The following MED1 variants were observed in gnomAD, a reference collection of about 807,000 sequenced individuals.
MED1 encodes the protein mediator of RNA polymerase II transcription subunit 1.
MED1 carries 17 observed loss-of-function variants against 121.3 expected under a neutral mutation model. The ratio of observed to expected loss-of-function variants is 0.14; its 90% CI spans 0.10 to 0.21. The LOEUF (loss-of-function observed/expected upper bound fraction) is 0.21, where lower values mean the gene tolerates loss of function less well. Ranked by LOEUF, MED1 falls within the 10% of genes least tolerant of loss-of-function variation. MED1 has a pLI of 1.00. For missense variants in MED1, 1,558 were observed against 1,919.4 expected (o/e 0.81, Z 3.52); for synonymous variants, 661 against 694.4 (o/e 0.95, Z 0.76).
At position 39,440,704 on chromosome 17, in the gene MED1, C is replaced by A. The variant is rs1486121545; in HGVS notation, c.212-27G>T. 5.0e-6 allele frequency: 8 copies of A among 1,587,150 alleles called. No homozygotes were observed. The highest frequency in any genetic ancestry group is 1.7e-5 in the Admixed American group (1 of 57,804). On this transcript the variant is annotated intron_variant, in intron 3 of 16. Coordinates refer to ENST00000300651, the MANE Select transcript of MED1 (RefSeq NM_004774.4). This position sits in a 1 kb window ranked among gnomAD's most constrained non-coding sequence, Gnocchi z 4.1. ...TATAAAAGGATGAAAAAAGGAGTCA[C>A]AAAGAATGCTCCAAATGACTTAAAT...
intron 1 of MED1, among the ~76,000 whole-genome samples, chr17:39,448,762 A>G (rs1237718118): frequency 6.6e-6 from 1 of 151,942 alleles, no homozygotes; most frequent in East Asian, 1.9e-4. Context: ...ATACAAAATT[A>G]GCCGGGCTTG....
At position 39,405,231 on chromosome 17, in the gene MED1, TG is replaced by T. The variant is rs768452015; in HGVS notation, c.*2243del. 3.1e-6 allele frequency: 5 copies of T among 1,588,026 alleles called. No homozygotes were observed. The Admixed American group carries it at 8.9e-5, about 28-fold the overall frequency. On this transcript the variant is annotated 3_prime_UTR_variant, in exon 17 of 17. Coordinates refer to ENST00000300651, the MANE Select transcript of MED1 (RefSeq NM_004774.4). ...CTCCCTGTTAAGCAAGTTCAGATGCTGGGTCAGTGTGGGGGTGAGCCCATCG... is the reference window on the plus strand; with the variant it reads ...CTCCCTGTTAAGCAAGTTCAGATGCTGGTCAGTGTGGGGGTGAGCCCATCG...
Position 39,427,776 on chromosome 17 carries a change from G to T in MED1, c.664C>A (p.Leu222Met), listed in dbSNP as rs747337853. 33 of 1,594,450 alleles carry T rather than the reference G, an allele frequency of 2.1e-5. No homozygotes were observed. The East Asian group carries it at 7.2e-4, about 35-fold the overall frequency. Reference sequence around the variant, plus strand: ...TCAGAAGGAGAGACATAGTACTTCAGGTTCATTAAATGACCTATAAAAAAT... The same window carrying T: ...TCAGAAGGAGAGACATAGTACTTCATGTTCATTAAATGACCTATAAAAAAT... ...TPRSGGHLMN[L>M]KYYVSPSDLL... The change falls in exon 10 of 17, where the codon CTG (leucine) becomes ATG (methionine). Residue 222 changes from leucine to methionine, a missense_variant. Physicochemically the swap from Leu to Met is conservative, Grantham distance 15 (BLOSUM62 2). Around this residue, in one of 5 missense-constraint regions of MED1, gnomAD observed 443 missense variants for 532.4 expected, o/e 0.83. Coordinates refer to ENST00000300651, the MANE Select transcript of MED1 (RefSeq NM_004774.4).
chr17:39,415,886 G>A (rs12938268), intron 14 of MED1, among the ~76,000 whole-genome samples: 100,510 of 147,562 alleles, frequency 0.68, 35,110 homozygotes, highest in South Asian at 0.89. Flanking sequence ...GCTACTCAGA[G>A]GGCTGAGACA....
At chr17:39,433,068 TGGTG>T (rs1376061464) in intron 7 of MED1, among the ~76,000 whole-genome samples, 1 of 151,446 alleles carries the variant, frequency 6.6e-6, no homozygotes, top group African/African-American at 2.4e-5. Context: ...GCCAGGTCAG[TGGTG>T]GGCGCCTTTA....
At position 39,407,547 on chromosome 17, in the gene MED1, T is replaced by G; in HGVS notation, c.4674A>C (p.Ser1558=). 6.2e-7 allele frequency: 1 copy of G among 1,614,090 alleles called. No individual in the cohort carries two copies. Among genetic ancestry groups the G allele is most frequent in the Non-Finnish European group, 8.5e-7 (1 of 1,180,016 alleles). ...CAATCATAAAGTCTGGGCTGAGCCTTGAGGGTCTGTCTGCAGATAAGATTG... is the reference window on the plus strand; with the variant it reads ...CAATCATAAAGTCTGGGCTGAGCCTGGAGGGTCTGTCTGCAGATAAGATTG... The part of the protein sequence containing the change: ...SNTILSADRP[S]RLSPDFMIGE... Residue 1558 remains serine, a synonymous_variant, in exon 17 of 17, where the codon TCA becomes TCC. Coordinates refer to ENST00000300651, the MANE Select transcript of MED1 (RefSeq NM_004774.4).
intron 12 of MED1, 124 bp from the exon 13 acceptor site, chr17:39,423,569 C>A: frequency 6.9e-7 from 1 of 1,445,966 alleles, no homozygotes. Flanking sequence ...TAGTACAAAG[C>A]ACTATAACAT....
Position 39,408,805 on chromosome 17 carries a change from C to G in MED1, c.3416G>C (p.Gly1139Ala), listed in dbSNP as rs140796864. 2.5e-6 allele frequency: 4 copies of G among 1,613,830 alleles called. No individual in the cohort carries two copies. Among genetic ancestry groups the G allele is most frequent in the Admixed American group, 1.7e-5 (1 of 59,944 alleles). Residue 1139 changes from glycine to alanine, a missense_variant, in exon 17 of 17, where the codon GGA becomes GCA. Physicochemically the swap from Gly to Ala is moderately conservative, Grantham distance 60. Transcript: ENST00000300651. The surrounding 1 kb of genome is among the most constrained non-coding windows in gnomAD (Gnocchi z 4.7). The part of the protein sequence containing the change: ...SSMYSSQGSS[G>A]SSQSKNSSQS... ...GGATGAATTTTTGGACTGGCTAGAT[C>G]CAGAAGACCCCTGGCTAGAATACAT...
intron 13 of MED1, among the ~76,000 whole-genome samples, chr17:39,422,475 T>G (rs1263751219): frequency 7.0e-6 from 1 of 142,308 alleles, no homozygotes; most frequent in Non-Finnish European, 1.5e-5. Context: ...CCTCGTTTTT[T>G]TTTTTTTTTT....
chr17:39,428,699 T>G (rs1381502437), intron 9 of MED1, among the ~76,000 whole-genome samples: 1 of 151,642 alleles, frequency 6.6e-6, no homozygotes, highest in African/African-American at 2.4e-5. Context: ...ACACCTGTAA[T>G]CCCAGCACTT....
At chr17:39,423,900 G>C (rs1370808210) in intron 11 of MED1, 79 bp from the exon 12 acceptor site, 2 of 1,416,936 alleles carry the variant, frequency 1.4e-6, no homozygotes, top group Non-Finnish European at 1.9e-6. Flanking sequence ...TTTTTTTTTT[G>C]AGACAGATTT....
chr17:39,413,607 A>G (rs1389353140), intron 16 of MED1, among the ~76,000 whole-genome samples: 1 of 151,994 alleles, frequency 6.6e-6, no homozygotes, highest in East Asian at 1.9e-4. Context: ...AGTGGCTCAC[A>G]CCTGCAGTAC....
At chr17:39,428,671 G>A (rs912345554) in intron 9 of MED1, among the ~76,000 whole-genome samples, 2 of 151,588 alleles carry the variant, frequency 1.3e-5, no homozygotes, top group Non-Finnish European at 2.9e-5. Flanking sequence ...TATGACAGGC[G>A]CTTGGGTGTG....
chr17:39,436,078 A>G (rs2048615637), intron 6 of MED1, among the ~76,000 whole-genome samples: 1 of 151,866 alleles, frequency 6.6e-6, no homozygotes, highest in Admixed American at 6.6e-5. Flanking sequence ...TCTCGAAAAA[A>G]AAGGCCGGGT....
At chr17:39,449,316 G>T (rs1031343125) in intron 1 of MED1, among the ~76,000 whole-genome samples, 2 of 151,920 alleles carry the variant, frequency 1.3e-5, no homozygotes, top group Non-Finnish European at 2.9e-5. Flanking sequence ...AAGTAGCTGG[G>T]ACTACTGGCT....
chr17:39,439,223 T>C (rs1016227566), intron 5 of MED1, 30 bp from the exon 6 acceptor site: 8 of 1,563,538 alleles, frequency 5.1e-6, no homozygotes, highest in African/African-American at 1.4e-5. Context: ...TGTTAAAACA[T>C]TAAAACTACT....
At position 39,406,419 on chromosome 17, in the gene MED1, A is replaced by G. The variant is rs1385170300; in HGVS notation, c.*1056T>C. ...GTTCTCCTGCAAACAAAATGCTGGG[A>G]TGCAGACTTTTGGCACATTGTGGAA... is the stretch of plus-strand genomic sequence containing the variant. On this transcript the variant is annotated 3_prime_UTR_variant, in exon 17 of 17. Coordinates refer to ENST00000300651, the MANE Select transcript of MED1 (RefSeq NM_004774.4). The G allele has an allele frequency of 1.0e-6, 1 of 985,296 alleles. No individual in the cohort carries two copies. Among genetic ancestry groups the G allele is most frequent in the African/African-American group, 1.7e-5 (1 of 57,222 alleles). 61.0% of individuals were successfully genotyped at this position (985,296 alleles called of 1,614,324 possible).
Position 39,409,157 on chromosome 17 carries a change from G to C in MED1, c.3064C>G (p.Pro1022Ala). ...GGTCTGTTAGAAGAACTATGAGATGGAGACTTTCCCTCAGTGTCTGCCTTC... is the reference window on the plus strand; with the variant it reads ...GGTCTGTTAGAAGAACTATGAGATGCAGACTTTCCCTCAGTGTCTGCCTTC... ...RKKADTEGKSPSHSSSNRPFT... is the reference protein window; with the variant it reads ...RKKADTEGKSASHSSSNRPFT... The change falls in exon 17 of 17, where the codon CCA (proline) becomes GCA (alanine). Residue 1022 changes from proline to alanine, a missense_variant. By Grantham distance (27) the Pro-to-Ala change is conservative. Coordinates refer to ENST00000300651, the MANE Select transcript of MED1 (RefSeq NM_004774.4). 6.2e-7 allele frequency: 1 copy of C among 1,614,136 alleles called. No individual in the cohort carries two copies. Among genetic ancestry groups the C allele is most frequent in the Non-Finnish European group, 8.5e-7 (1 of 1,180,030 alleles).
At chr17:39,413,380 A>G (rs2048374628) in intron 16 of MED1, among the ~76,000 whole-genome samples, 2 of 152,222 alleles carry the variant, frequency 1.3e-5, no homozygotes, top group African/African-American at 4.8e-5. Flanking sequence ...CTCCTGCCTC[A>G]GCCTCTCAAG....
Sources: allele counts gnomAD v4.1 joint callset (sites outside exome capture counted in the v4.1 genomes callset), GRCh38; gene constraint gnomAD v4.1.1; regional missense constraint gnomAD v4.1.1; non-coding constraint Gnocchi (gnomAD v3.1); transcripts MANE v1.5; gene names NCBI Gene and HGNC (gene_info 2026-07-23, HGNC 2026-07-21).